Variants in CLASP1 observed in about 807,000 individuals in gnomAD.
CLASP1 encodes cytoplasmic linker associated protein 1.
A neutral mutation model predicts 192.3 loss-of-function variants in CLASP1; 38 were observed. The observed-to-expected ratio is 0.20, with a 90% CI of 0.15 to 0.26. The LOEUF (loss-of-function observed/expected upper bound fraction) is 0.26. Among genes scored for constraint, CLASP1 ranks in the 10% least tolerant of loss-of-function variants. The pLI, the probability that CLASP1 is intolerant of heterozygous loss-of-function variation, is 1.00. For synonymous variants in CLASP1, 691 were observed against 712.8 expected, an observed-to-expected ratio of 0.97 and a Z score of 0.49; for missense variants, 1,433 against 1,932.5, an observed-to-expected ratio of 0.74 and a Z score of 4.85.
intron 37 of CLASP1, among the ~76,000 whole-genome samples, chr2:121,360,753 T>C (rs2066240363): frequency 6.6e-6 from 1 of 152,350 alleles, no homozygotes. Flanking sequence ...AGTCAAACTA[T>C]GCAAAGCAGG....
chr2:121,572,725 G>A (rs2060095322), intron 2 of CLASP1, among the ~76,000 whole-genome samples: 1 of 151,410 alleles, frequency 6.6e-6, no homozygotes. Context: ...GTGAAACCAC[G>A]TTTCTACCAA....
intron 2 of CLASP1, among the ~76,000 whole-genome samples, chr2:121,557,246 T>C (rs1207879149): frequency 6.6e-6 from 1 of 152,190 alleles, no homozygotes; most frequent in African/African-American, 2.4e-5. Flanking sequence ...CTTCACTCAG[T>C]AGATAGCTTA....
chr2:121,644,587 G>A (rs2072788887), intron 1 of CLASP1, among the ~76,000 whole-genome samples: 2 of 152,094 alleles, frequency 1.3e-5, no homozygotes, highest in Admixed American at 1.3e-4. Context: ...CCTGGGAGAT[G>A]GAGGCTGCAG....
chr2:121,457,328 C>T (rs1377346856), intron 14 of CLASP1, among the ~76,000 whole-genome samples: 1 of 152,028 alleles, frequency 6.6e-6, no homozygotes, highest in Non-Finnish European at 1.5e-5. Flanking sequence ...CAGTTACTGC[C>T]TTTACTCAGG....
At chr2:121,460,641 T>C (rs766043075) in intron 11 of CLASP1, among the ~76,000 whole-genome samples, 2 of 152,092 alleles carry the variant, frequency 1.3e-5, no homozygotes, top group Non-Finnish European at 2.9e-5. Context: ...CAGTAGAAAA[T>C]AGCCTTCTCA....
At chr2:121,555,568 G>A (rs1379230319) in intron 2 of CLASP1, among the ~76,000 whole-genome samples, 1 of 152,176 alleles carries the variant, frequency 6.6e-6, no homozygotes, top group Non-Finnish European at 1.5e-5. Flanking sequence ...CATGAACTAC[G>A]TATTCCAATT....
At chr2:121,554,038 A>C (rs2058289142) in intron 2 of CLASP1, among the ~76,000 whole-genome samples, 1 of 150,936 alleles carries the variant, frequency 6.6e-6, no homozygotes, top group South Asian at 2.1e-4. Flanking sequence ...ACATAGTGAG[A>C]TGCCATCTCT....
chr2:121,342,029 T>A (rs1248748994), intron 39 of CLASP1, among the ~76,000 whole-genome samples: 1 of 151,718 alleles, frequency 6.6e-6, no homozygotes. Flanking sequence ...CGAAAAAAAA[T>A]CATAAATTTA....
intron 2 of CLASP1, among the ~76,000 whole-genome samples, chr2:121,550,144 A>G (rs2057901920): frequency 6.6e-6 from 1 of 152,178 alleles, no homozygotes. Context: ...TGCTCTTGAA[A>G]GACTTTAGGG....
At chr2:121,401,839 CAG>C (rs2076193866) in intron 27 of CLASP1, 27 bp downstream of exon 28, 2 of 761,830 alleles carry the variant, frequency 2.6e-6, no homozygotes, top group Admixed American at 3.4e-5. Context: ...GTGCAGAAAA[CAG>C]ATAAAGGAAA....
chr2:121,649,453 G>C (rs1292694691), exon 1 of CLASP1: 3 of 151,498 alleles, frequency 2.0e-5, no homozygotes, highest in East Asian at 1.9e-4. Flanking sequence ...TAAGCGCTTG[G>C]TGCGGGGATT....
chr2:121,591,477 G>A (rs2062395033), intron 2 of CLASP1, among the ~76,000 whole-genome samples: 1 of 152,122 alleles, frequency 6.6e-6, no homozygotes, highest in East Asian at 1.9e-4. Context: ...CGGTGTGTGG[G>A]TGAGACCCAG....
intron 19 of CLASP1, among the ~76,000 whole-genome samples, chr2:121,440,389 GA>G: frequency 6.6e-6 from 1 of 152,248 alleles, no homozygotes; most frequent in Non-Finnish European, 1.5e-5. Context: ...GTAATTAGGG[GA>G]AAAAAGTTTC....
intron 1 of CLASP1, among the ~76,000 whole-genome samples, chr2:121,634,931 C>A (rs1316628833): frequency 1.3e-5 from 2 of 152,190 alleles, no homozygotes; most frequent in African/African-American, 4.8e-5. Context: ...ACCAGCCCAA[C>A]TTCTCCATAA....
intron 9 of CLASP1, 63 bp from the exon 10 acceptor site, chr2:121,462,668 A>G: frequency 1.1e-6 from 1 of 930,936 alleles, no homozygotes. Flanking sequence ...CATACACTGA[A>G]GAAGTCTAAA....
chr2:121,407,995 C>A, intron 24 of CLASP1: 1 of 519,946 alleles, frequency 1.9e-6, no homozygotes, highest in Non-Finnish European at 3.6e-6. Flanking sequence ...ACCTTGGTGC[C>A]AACACTGACT....
intron 8 of CLASP1, chr2:121,490,450 A>C (rs2093241013): frequency 4.3e-6 from 1 of 230,622 alleles, no homozygotes; most frequent in Admixed American, 5.8e-5. Flanking sequence ...GCCTAGACTA[A>C]CAATGATTTT....
intron 8 of CLASP1, among the ~76,000 whole-genome samples, chr2:121,495,177 G>C (rs1042379286): frequency 5.9e-5 from 9 of 151,896 alleles, no homozygotes; most frequent in African/African-American, 2.2e-4. Flanking sequence ...AAACAAATTA[G>C]CTGGGCGTGG....
At position 121,434,813 on chromosome 2, in the gene CLASP1, G is replaced by A. The variant is rs1050571039; in HGVS notation, c.1913-4636C>T. Among the ~76,000 whole-genome samples the A allele has an allele frequency of 1.3e-5, 2 of 152,034 alleles. 1 individual carries two copies. The highest frequency in any genetic ancestry group is 6.3e-3 in the Middle Eastern group (2 of 316). On this transcript the variant is annotated intron_variant, in intron 19 of 39. Transcript: ENST00000263710. Reference sequence around the variant, plus strand: ...GAGACCAGCCTGGGCAACATGGAGAGACTGTCTCAACTAAAAATGCAAAAA... The same window carrying A: ...GAGACCAGCCTGGGCAACATGGAGAAACTGTCTCAACTAAAAATGCAAAAA...
Sources: allele counts gnomAD v4.1 joint callset (sites outside exome capture counted in the v4.1 genomes callset), GRCh38; gene constraint gnomAD v4.1.1; transcripts MANE v1.5; gene names NCBI Gene and HGNC (gene_info 2026-07-23, HGNC 2026-07-21).